MARCHF1: variants seen among roughly 807,000 people sequenced by gnomAD.
MARCHF1 encodes the protein membrane associated ring-CH-type finger 1.
In MARCHF1, 40 loss-of-function variants were observed where a neutral mutation model predicts 54.2. The ratio of observed to expected loss-of-function variants is 0.74; its 90% CI spans 0.57 to 0.96. The LOEUF is 0.96. Ranked by LOEUF, MARCHF1 falls within the 40% of genes least tolerant of loss-of-function variation. The pLI, the probability that MARCHF1 is intolerant of heterozygous loss-of-function variation, is 0.00. For missense variants in MARCHF1, 586 were observed against 656.5 expected (o/e 0.89, Z 1.17); for synonymous variants, 236 against 236.3 (o/e 1.00, Z 0.01).
chr4:164,330,289 C>T (rs1315987881), intron 1 of MARCHF1: 1 of 152,078 alleles, frequency 6.6e-6, no homozygotes, highest in African/African-American at 2.4e-5. Context: ...TTACAGAAAA[C>T]CAGTTTATTA....
intron 3 of MARCHF1, among the ~76,000 whole-genome samples, chr4:163,918,371 C>A (rs1220407357): frequency 6.6e-6 from 1 of 152,100 alleles, no homozygotes; most frequent in Non-Finnish European, 1.5e-5. Flanking sequence ...TCTTCTCATG[C>A]TTTGACTGTG....
intron 9 of MARCHF1, among the ~76,000 whole-genome samples, chr4:163,536,535 A>G (rs1443363186): frequency 1.3e-5 from 2 of 152,134 alleles, no homozygotes; most frequent in African/African-American, 4.8e-5. Context: ...GTGTCATGCT[A>G]TAATCTTGAC....
chr4:164,125,595 G>A (rs984560170), intron 1 of MARCHF1, among the ~76,000 whole-genome samples: 5 of 152,150 alleles, frequency 3.3e-5, no homozygotes, highest in Non-Finnish European at 7.3e-5. Flanking sequence ...GGTACAAAGT[G>A]TTCAACTCAG....
intron 3 of MARCHF1, among the ~76,000 whole-genome samples, chr4:163,936,321 A>T (rs180862304): frequency 6.6e-6 from 1 of 152,348 alleles, no homozygotes; most frequent in Admixed American, 6.5e-5. Flanking sequence ...AAAACAGTGC[A>T]GATAGACTTG....
intron 2 of MARCHF1, among the ~76,000 whole-genome samples, chr4:164,060,111 C>CTA (rs1018077951): frequency 2.0e-5 from 3 of 152,056 alleles, no homozygotes; most frequent in African/African-American, 7.2e-5. Context: ...GAGTCACAGT[C>CTA]TACCAAATTG....
rs1005225007 is a variant in MARCHF1 at position 163,595,376 on chromosome 4, G to T, written c.1011-9447C>A. Among the ~76,000 whole-genome samples the T allele has an allele frequency of 9.9e-5, 15 of 152,068 alleles. No individual in the cohort carries two copies. The Middle Eastern group carries it at 0.014, about 138-fold the overall frequency. On this transcript the variant is annotated intron_variant, in intron 7 of 9. Transcript: ENST00000514618. ...ATAAAATAAAAAAAAAATTAGCGGA[G>T]TGTGGTGTCATGTGCCTGTAGTCCC... is the stretch of plus-strand genomic sequence containing the variant.
In MARCHF1 at chr4:163,905,377, T is replaced by C. The variant is rs190202452; in HGVS notation, c.-38-51208A>G. Among the ~76,000 whole-genome samples the C allele has an allele frequency of 3.1e-4, 47 of 152,270 alleles. No homozygotes were observed. In the East Asian group the frequency reaches 9.1e-3, roughly 29 times the overall value. ...ATCTAGAACAAACGTAATATGCTGT[T>C]AATGATTACTCTCCAGACTGTTTAT... is the stretch of plus-strand genomic sequence containing the variant. On this transcript the variant is annotated intron_variant, in intron 3 of 9. Coordinates refer to ENST00000514618, the MANE Select transcript of MARCHF1 (RefSeq NM_001394959.1).
At position 163,624,977 on chromosome 4, in the gene MARCHF1, G is replaced by A. The variant is rs184205154; in HGVS notation, c.163-11584C>T. ...TATCAAAAGGCTTCAGTGGTTTCTC[G>A]TTATCTAACAAATTAAATACAAAAG... is the stretch of plus-strand genomic sequence containing the variant. On this transcript the variant is annotated intron_variant, in intron 5 of 9. Coordinates refer to ENST00000514618, the MANE Select transcript of MARCHF1 (RefSeq NM_001394959.1). Among the ~76,000 whole-genome samples, 32 of 152,156 alleles carry A rather than the reference G, an allele frequency of 2.1e-4. No homozygotes were observed. The East Asian group carries it at 3.7e-3, about 17-fold the overall frequency.
intron 2 of MARCHF1, among the ~76,000 whole-genome samples, chr4:164,028,779 T>G (rs1753820371): frequency 6.6e-6 from 1 of 152,168 alleles, no homozygotes; most frequent in Admixed American, 6.6e-5. Flanking sequence ...TGGCTACATT[T>G]CAAGTACTCA....
intron 4 of MARCHF1, among the ~76,000 whole-genome samples, chr4:163,811,997 T>C (rs1002425949): frequency 6.6e-6 from 1 of 152,114 alleles, no homozygotes; most frequent in Admixed American, 6.5e-5. Flanking sequence ...ATCTAATCTG[T>C]TGAGGGTCTG....
intron 1 of MARCHF1, among the ~76,000 whole-genome samples, chr4:164,229,370 G>A (rs915059886): frequency 2.0e-5 from 3 of 152,140 alleles, no homozygotes; most frequent in African/African-American, 7.2e-5. Flanking sequence ...CCTCTCATAA[G>A]CAACACTGTG....
At chr4:164,209,673 C>T (rs77576548) in intron 1 of MARCHF1, among the ~76,000 whole-genome samples, 1,758 of 152,194 alleles carry the variant, frequency 0.012, 32 homozygotes, top group East Asian at 0.081. Context: ...ATAATGTTGT[C>T]CTCATTGTAT....
chr4:164,258,928 G>A (rs1408384397), intron 1 of MARCHF1, among the ~76,000 whole-genome samples: 1 of 151,990 alleles, frequency 6.6e-6, no homozygotes, highest in Non-Finnish European at 1.5e-5. Flanking sequence ...AACAAAATGA[G>A]ATTATAAAAT....
intron 4 of MARCHF1, among the ~76,000 whole-genome samples, chr4:163,821,982 C>T (rs543160450): frequency 4.0e-4 from 61 of 151,966 alleles, no homozygotes; most frequent in African/African-American, 1.1e-3. Flanking sequence ...AGGAAATTCA[C>T]GGTTTTATGA....
chr4:163,927,194 T>A (rs1751556694), intron 3 of MARCHF1, among the ~76,000 whole-genome samples: 2 of 151,786 alleles, frequency 1.3e-5, no homozygotes, highest in South Asian at 4.1e-4. Flanking sequence ...CAACTTGATG[T>A]GATTAGTGTT....
Position 164,176,966 on chromosome 4 carries a change from CTCTCTCT to C in MARCHF1, c.-322-65311_-322-65305del, listed in dbSNP as rs1730689456. 2.1e-4 allele frequency among the ~76,000 whole-genome samples: 10 copies of C among 46,736 alleles called. 1 individual carries two copies. The highest frequency in any genetic ancestry group is 9.5e-4 in the African/African-American group (9 of 9,426). The allele number at this position is 46,736 out of a possible 152,430, so 30.7% of individuals were successfully genotyped here. A position where few individuals can be genotyped will look rare whatever the true frequency, so the allele number is the denominator to read the frequency against. The stretch of plus-strand genomic sequence containing the variant: ...GCTCTCTCTCTCTCTCTCTCTCTCT[CTCTCTCT>C]CTCTCTCTATATATATATATATATA... On this transcript the variant is annotated intron_variant, in intron 1 of 9. Coordinates refer to ENST00000514618, the MANE Select transcript of MARCHF1 (RefSeq NM_001394959.1).
At chr4:164,265,506 C>CTCCTG (rs1411917044) in intron 1 of MARCHF1, among the ~76,000 whole-genome samples, 46 of 121,488 alleles carry the variant, frequency 3.8e-4, no homozygotes, top group Middle Eastern at 3.9e-3. Context: ...TAGCTGGGAC[C>CTCCTG]ACACACATTT....
chr4:164,190,389 C>A, intron 1 of MARCHF1: 2 of 492,136 alleles, frequency 4.1e-6, no homozygotes, highest in East Asian at 3.2e-5. Context: ...AGGAACTTTC[C>A]TTAGAAAAAA....
At chr4:163,667,184 A>G (rs1054041683) in intron 5 of MARCHF1, among the ~76,000 whole-genome samples, 2 of 152,024 alleles carry the variant, frequency 1.3e-5, no homozygotes, top group Non-Finnish European at 2.9e-5. Flanking sequence ...TTTATTTTAG[A>G]TTCAGGAGGA....
Sources: allele counts gnomAD v4.1 joint callset (sites outside exome capture counted in the v4.1 genomes callset), GRCh38; gene constraint gnomAD v4.1.1; transcripts MANE v1.5; gene names NCBI Gene and HGNC (gene_info 2026-07-23, HGNC 2026-07-21).